DCDC1: variants seen among roughly 807,000 people sequenced by gnomAD.
DCDC1 encodes the protein doublecortin domain containing 1, also known as doublecortin domain-containing protein 1.
Under a neutral mutation model 178.3 loss-of-function variants are expected in DCDC1, and 200 were observed. The observed-to-expected ratio is 1.12, with a 90% CI of 1.00 to 1.26. The LOEUF is 1.26. DCDC1 is among the 50% of genes most tolerant of loss of function. The pLI is 0.00. For synonymous variants in DCDC1, 690 were observed against 604.8 expected (o/e 1.14, Z -2.07); for missense variants, 1,983 against 1,749.2 (o/e 1.13, Z -2.38).
intron 9 of DCDC1, among the ~76,000 whole-genome samples, chr11:31,148,367 C>CA (rs1360214645): frequency 1.3e-5 from 2 of 151,700 alleles, no homozygotes; most frequent in Non-Finnish European, 2.9e-5. Flanking sequence ...GGCAACATGG[C>CA]AAAACCCCAT....
intron 20 of DCDC1, among the ~76,000 whole-genome samples, chr11:31,037,428 C>CTTTTT (rs869310230): frequency 2.2e-5 from 1 of 44,876 alleles, no homozygotes. Context: ...CTAAATATTT[C>CTTTTT]TTTCTTTTTT....
intron 20 of DCDC1, among the ~76,000 whole-genome samples, chr11:31,001,058 G>T (rs1054602682): frequency 2.0e-5 from 3 of 152,062 alleles, no homozygotes. Flanking sequence ...GTGAAATTAT[G>T]ATTTTTCTAA....
At chr11:31,234,992 C>T (rs1039811847) in intron 9 of DCDC1, among the ~76,000 whole-genome samples, 32 of 152,162 alleles carry the variant, frequency 2.1e-4, no homozygotes, top group Non-Finnish European at 3.5e-4. Context: ...GGTCTACTTT[C>T]AAGTACTTTG....
Position 30,865,498 on chromosome 11 carries a change from T to C in DCDC1, c.*41-166A>G, listed in dbSNP as rs185440003. Reference sequence around the variant, plus strand: ...ATTAAACTTGATAGGGTTTGTAAAATTTATAGAGGCATCCCCTTCAAGGCC... The same window carrying C: ...ATTAAACTTGATAGGGTTTGTAAAACTTATAGAGGCATCCCCTTCAAGGCC... On this transcript the variant is annotated intron_variant, in intron 38 of 38. Transcript: ENST00000684477. Among the ~76,000 whole-genome samples the C allele has an allele frequency of 4.2e-3, 632 of 152,250 alleles. 6 individuals are homozygous for C. The highest frequency in any genetic ancestry group is 0.014 in the African/African-American group (577 of 41,550).
intron 12 of DCDC1, 87 bp from the exon 13 acceptor site, chr11:31,107,047 T>C (rs1286558414): frequency 1.6e-6 from 1 of 630,264 alleles, no homozygotes; most frequent in Non-Finnish European, 2.8e-6. Context: ...CTCTACTCTG[T>C]AACAAATGAA....
At chr11:31,247,046 T>A (rs1943615546) in intron 8 of DCDC1, among the ~76,000 whole-genome samples, 1 of 152,084 alleles carries the variant, frequency 6.6e-6, no homozygotes, top group Admixed American at 6.6e-5. Context: ...AATACTGCTG[T>A]AAGAGACATT....
intron 3 of DCDC1, chr11:31,312,605 T>C (rs1369362859): frequency 6.6e-6 from 1 of 152,180 alleles, no homozygotes; most frequent in Non-Finnish European, 1.5e-5. Flanking sequence ...GCAAAGAAGG[T>C]TGGAATCTGG....
chr11:31,005,910 C>A (rs1951812964), intron 20 of DCDC1, among the ~76,000 whole-genome samples: 1 of 145,798 alleles, frequency 6.9e-6, no homozygotes, highest in African/African-American at 2.6e-5. Flanking sequence ...ATCTCCGACC[C>A]TTTCCTCTTT....
At chr11:31,298,731 A>G (rs1947881876) in intron 6 of DCDC1, among the ~76,000 whole-genome samples, 1 of 152,236 alleles carries the variant, frequency 6.6e-6, no homozygotes, top group Admixed American at 6.5e-5. Context: ...TCTACTTCAA[A>G]AAAGCCAATG....
At chr11:31,031,338 G>GA (rs1174309969) in intron 20 of DCDC1, among the ~76,000 whole-genome samples, 5 of 151,352 alleles carry the variant, frequency 3.3e-5, no homozygotes, top group African/African-American at 4.8e-5. Context: ...GTGCTTTTCC[G>GA]AAAAAAAATC....
intron 38 of DCDC1, among the ~76,000 whole-genome samples, chr11:30,871,230 A>G (rs1941521401): frequency 6.6e-6 from 1 of 152,178 alleles, no homozygotes; most frequent in Admixed American, 6.5e-5. Context: ...CTTAGTGTAC[A>G]ACAGAAGAGC....
intron 9 of DCDC1, among the ~76,000 whole-genome samples, chr11:31,154,490 C>A (rs1457836391): frequency 1.3e-5 from 2 of 152,142 alleles, no homozygotes; most frequent in East Asian, 3.9e-4. Context: ...TAAGTGGTGT[C>A]TCTTACATGT....
At chr11:30,988,455 G>C (rs1950781307) in intron 20 of DCDC1, among the ~76,000 whole-genome samples, 1 of 151,828 alleles carries the variant, frequency 6.6e-6, no homozygotes, top group South Asian at 2.1e-4. Flanking sequence ...CTGGAGTAAG[G>C]AGTAAGTTTG....
At chr11:31,177,869 T>C (rs1968278654) in intron 9 of DCDC1, among the ~76,000 whole-genome samples, 1 of 152,004 alleles carries the variant, frequency 6.6e-6, no homozygotes, top group Admixed American at 6.6e-5. Context: ...CCCCCACATA[T>C]GTAAAGCAAA....
At chr11:30,910,449 G>A (rs1032766811) in intron 28 of DCDC1, among the ~76,000 whole-genome samples, 1 of 152,106 alleles carries the variant, frequency 6.6e-6, no homozygotes, top group African/African-American at 2.4e-5. Context: ...ACTTAATTAA[G>A]CTTTGGTATT....
chr11:31,212,183 TA>T (rs1448823809), intron 9 of DCDC1, among the ~76,000 whole-genome samples: 1 of 152,116 alleles, frequency 6.6e-6, no homozygotes, highest in Non-Finnish European at 1.5e-5. Context: ...TATAAATTTT[TA>T]AACTCCCAAC....
At chr11:31,356,300 C>A (rs898313341) in intron 1 of DCDC1, among the ~76,000 whole-genome samples, 2 of 152,130 alleles carry the variant, frequency 1.3e-5, no homozygotes, top group African/African-American at 2.4e-5. Context: ...AACCGCTCAA[C>A]TACATGGAAA....
At position 30,931,827 on chromosome 11, in the gene DCDC1, A is replaced by G; in HGVS notation, c.2841T>C (p.Asn947=). Residue 947 remains asparagine, a synonymous_variant, in exon 22 of 39, where the codon AAT becomes AAC. Coordinates refer to ENST00000684477, the MANE Select transcript of DCDC1 (RefSeq NM_001387274.1). ...RLRVLQNGEK[N]KNRSVTILGP... is the part of the protein sequence containing the mutation. ...CAAGGATAGTAACGGATCTGTTTTT[A>G]TTCTTCTCTCCATTCTGCAAAACTC... The G allele has an allele frequency of 1.2e-6, 2 of 1,612,970 alleles. No homozygotes were observed. The highest frequency in any genetic ancestry group is 1.7e-6 in the Non-Finnish European group (2 of 1,179,310).
intron 9 of DCDC1, among the ~76,000 whole-genome samples, chr11:31,181,001 C>T (rs939858464): frequency 1.3e-5 from 2 of 152,106 alleles, no homozygotes; most frequent in Non-Finnish European, 2.9e-5. Flanking sequence ...AGGCTGAAGT[C>T]GACTTTGGAT....
Sources: gnomAD v4.1 joint callset for allele counts (sites outside exome capture counted in the v4.1 genomes callset) on GRCh38, gnomAD v4.1.1 for gene constraint, MANE v1.5 for transcripts, NCBI Gene and HGNC (gene_info 2026-07-23, HGNC 2026-07-21) for gene names.